The following DACH2 variants were observed in gnomAD, a reference collection of about 807,000 sequenced individuals.
DACH2 encodes dachshund family transcription factor 2, also known as dachshund homolog 2.
DACH2 carries 17 observed loss-of-function variants against 35.8 expected under a neutral mutation model. The observed-to-expected ratio is 0.48, with a 90% CI of 0.33 to 0.71. The LOEUF (loss-of-function observed/expected upper bound fraction) is 0.71. DACH2 is among the 30% of genes least tolerant of loss of function. The pLI is 0.02. For missense variants in DACH2, 469 were observed against 472.7 expected (o/e 0.99, Z 0.07); for synonymous variants, 195 against 177.3 (o/e 1.10, Z -0.79).
At chrX:86,552,228 A>C (rs1344240104) in intron 3 of DACH2, among the ~76,000 whole-genome samples, 2 of 111,441 alleles carry the variant, frequency 1.8e-5, no homozygotes, top group African/African-American at 3.3e-5. Context: ...CATATAATAC[A>C]TAGTAGACCA....
At chrX:86,292,521 T>G (rs1269356573) in intron 1 of DACH2, among the ~76,000 whole-genome samples, 4 of 111,389 alleles carry the variant, frequency 3.6e-5, no homozygotes, top group African/African-American at 6.5e-5. Flanking sequence ...TGATGTTAGG[T>G]TGTCAATTTT....
intron 3 of DACH2, among the ~76,000 whole-genome samples, chrX:86,560,596 A>G (rs1237739770): frequency 1.3e-4 from 13 of 96,623 alleles, no homozygotes; most frequent in African/African-American, 5.0e-4. Flanking sequence ...ATAATGCCGC[A>G]TATCTACAAC....
chrX:86,826,501 T>A (rs570711761), intron 11 of DACH2, among the ~76,000 whole-genome samples: 3 of 108,875 alleles, frequency 2.8e-5, no homozygotes, highest in African/African-American at 1.0e-4. Context: ...GAAAAAAAAA[T>A]GATTCCAAAA....
intron 4 of DACH2, among the ~76,000 whole-genome samples, chrX:86,675,406 T>G (rs994693764): frequency 1.8e-5 from 2 of 112,118 alleles, no homozygotes; most frequent in Non-Finnish European, 3.8e-5. Flanking sequence ...ATATTAAGGC[T>G]AGGTGCAGTG....
chrX:86,673,335 C>CAAAAAAA (rs56877612), intron 4 of DACH2, among the ~76,000 whole-genome samples: 8 of 43,191 alleles, frequency 1.9e-4, no homozygotes, highest in Non-Finnish European at 2.3e-4. Context: ...GACTCCGTCT[C>CAAAAAAA]AAAAAAAAAA....
chrX:86,821,139 T>C (rs910241707), intron 11 of DACH2, among the ~76,000 whole-genome samples: 2 of 110,960 alleles, frequency 1.8e-5, no homozygotes, highest in Non-Finnish European at 3.8e-5. Flanking sequence ...TCTCTAGGGG[T>C]TCCACTGACT....
chrX:86,209,946 T>C (rs1249471045), intron 1 of DACH2, among the ~76,000 whole-genome samples: 1 of 111,841 alleles, frequency 8.9e-6, no homozygotes, highest in Non-Finnish European at 1.9e-5. Flanking sequence ...CTATGGGCTT[T>C]AGCTTTGTGC....
chrX:86,200,131 A>T (rs1245849009), intron 1 of DACH2, among the ~76,000 whole-genome samples: 1 of 110,791 alleles, frequency 9.0e-6, no homozygotes, highest in Admixed American at 9.6e-5. Flanking sequence ...AGAGCCCAGA[A>T]TTATGGCTGC....
chrX:86,535,535 A>G (rs1325888738), intron 3 of DACH2, among the ~76,000 whole-genome samples: 1 of 111,035 alleles, frequency 9.0e-6, no homozygotes, highest in Non-Finnish European at 1.9e-5. Flanking sequence ...ACCCACATTA[A>G]CATTAAAACA....
At chrX:86,772,528 A>T (rs2041996710) in intron 7 of DACH2, among the ~76,000 whole-genome samples, 2 of 111,704 alleles carry the variant, frequency 1.8e-5, no homozygotes, top group Admixed American at 1.9e-4. Context: ...GTAACGCATG[A>T]GTGTTTTTCC....
intron 4 of DACH2, among the ~76,000 whole-genome samples, chrX:86,688,350 G>A (rs1239400908): frequency 9.0e-6 from 1 of 111,656 alleles, no homozygotes; most frequent in African/African-American, 3.3e-5. Flanking sequence ...CTAGTAGTAG[G>A]AAAGTCAGTT....
rs1556008345 is a variant in DACH2 at position 86,272,199 on chromosome X, A to AGAGTGTGT, written c.489-104624_489-104623insAGTGTGTG. 1.2e-3 allele frequency among the ~76,000 whole-genome samples: 122 copies of AGAGTGTGT among 100,479 alleles called. 1 individual carries two copies. The highest frequency in any genetic ancestry group is 4.4e-3 in the African/African-American group (119 of 27,263). The allele number at this position is 100,479 out of a possible 115,157, so 87.3% of individuals were successfully genotyped here. A position where few individuals can be genotyped will look rare whatever the true frequency, so the allele number is the denominator to read the frequency against. On this transcript the variant is annotated intron_variant, in intron 1 of 11. Coordinates refer to ENST00000373125, the MANE Select transcript of DACH2 (RefSeq NM_053281.3). ...AATGGCTGAATAGTATTCCTTTGAG[A>AGAGTGTGT]GTGTGTGTGTGTGTGTGTGTGTGTG...
Position 86,148,802 on chromosome X carries a change from G to T in DACH2, c.182G>T (p.Gly61Val). ...HSNSAGGGGR[G>V]NTNTNECRMV... Reference sequence around the variant, plus strand: ...AACAGTGCCGGAGGCGGCGGCAGGGGCAACACCAACACCAACGAGTGCCGC... The same window carrying T: ...AACAGTGCCGGAGGCGGCGGCAGGGTCAACACCAACACCAACGAGTGCCGC... The change falls in exon 1 of 12, where the codon GGC (glycine) becomes GTC (valine). Residue 61 changes from glycine to valine, a missense_variant. Physicochemically the swap from Gly to Val is moderately radical, Grantham distance 109 (BLOSUM62 -3). Coordinates refer to ENST00000373125, the MANE Select transcript of DACH2 (RefSeq NM_053281.3). 1 of 1,211,724 alleles carries T rather than the reference G, an allele frequency of 8.3e-7. No homozygotes were observed. Among genetic ancestry groups the T allele is most frequent in the Non-Finnish European group, 1.1e-6 (1 of 895,528 alleles).
At chrX:86,824,015 CATATTGTCTTG>C (rs1166517137) in intron 11 of DACH2, among the ~76,000 whole-genome samples, 1 of 111,680 alleles carries the variant, frequency 9.0e-6, no homozygotes, top group East Asian at 2.8e-4. Context: ...CAGCAGTACA[CATATTGTCTTG>C]ATAAACATCT....
chrX:86,420,305 C>A (rs777275604), intron 2 of DACH2, among the ~76,000 whole-genome samples: 1 of 111,954 alleles, frequency 8.9e-6, no homozygotes, highest in African/African-American at 3.2e-5. Flanking sequence ...AGATATTTTT[C>A]TTTTGGCCAG....
chrX:86,368,529 C>T (rs2035838560), intron 1 of DACH2, among the ~76,000 whole-genome samples: 1 of 105,947 alleles, frequency 9.4e-6, no homozygotes, highest in South Asian at 4.3e-4. Context: ...GAAGAGCTTT[C>T]GTCAATAGTC....
intron 2 of DACH2, among the ~76,000 whole-genome samples, chrX:86,430,239 C>G (rs1435951578): frequency 2.7e-5 from 3 of 112,007 alleles, no homozygotes; most frequent in Non-Finnish European, 1.9e-5. Flanking sequence ...ATGATAGGCA[C>G]TAGGTGCATG....
At chrX:86,596,854 T>C (rs2039719273) in intron 3 of DACH2, among the ~76,000 whole-genome samples, 1 of 111,916 alleles carries the variant, frequency 8.9e-6, no homozygotes, top group Admixed American at 9.5e-5. Context: ...TAGCTTTAGC[T>C]GTGGTTATCC....
intron 3 of DACH2, among the ~76,000 whole-genome samples, chrX:86,635,600 G>A (rs753264541): frequency 9.0e-6 from 1 of 111,625 alleles, no homozygotes; most frequent in African/African-American, 3.3e-5. Context: ...ATCTCTGTTT[G>A]CAGATGACAT....
Sources: allele counts gnomAD v4.1 joint callset (sites outside exome capture counted in the v4.1 genomes callset), GRCh38; gene constraint gnomAD v4.1.1; transcripts MANE v1.5; gene names NCBI Gene and HGNC (gene_info 2026-07-23, HGNC 2026-07-21).